DNAH11: variants seen among roughly 807,000 people sequenced by gnomAD.
The protein encoded by DNAH11 is dynein axonemal heavy chain 11, also known as axonemal beta dynein heavy chain 11.
DNAH11 carries 442 observed loss-of-function variants against 526.0 expected under a neutral mutation model. The ratio of observed to expected loss-of-function variants is 0.84; its 90% CI spans 0.78 to 0.91. The LOEUF (loss-of-function observed/expected upper bound fraction) is 0.91. Among genes scored for constraint, DNAH11 ranks in the 40% least tolerant of loss-of-function variants. The pLI is 0.00. For missense variants in DNAH11, 6,989 were observed against 5,448.7 expected (o/e 1.28, Z -8.90); for synonymous variants, 2,461 against 1,935.9 (o/e 1.27, Z -7.12).
intron 56 of DNAH11, among the ~76,000 whole-genome samples, chr7:21,775,628 C>G (rs116341558): frequency 0.017 from 2,315 of 139,796 alleles, 62 homozygotes; most frequent in African/African-American, 0.057. Context: ...AAAAAAAAAA[C>G]AAGTCTGTCT....
intron 30 of DNAH11, among the ~76,000 whole-genome samples, chr7:21,678,871 C>T (rs1277273628): frequency 6.6e-6 from 1 of 152,126 alleles, no homozygotes; most frequent in Admixed American, 6.5e-5. Flanking sequence ...AGCAATCTCA[C>T]TTCTGGGTAT....
intron 14 of DNAH11, among the ~76,000 whole-genome samples, chr7:21,595,518 G>C (rs1008197849): frequency 2.6e-5 from 4 of 152,194 alleles, no homozygotes; most frequent in Non-Finnish European, 4.4e-5. Flanking sequence ...ACGAAAGAAA[G>C]ACACGTTAAA....
chr7:21,642,769 T>G (rs1165952793), intron 28 of DNAH11, among the ~76,000 whole-genome samples: 1 of 152,094 alleles, frequency 6.6e-6, no homozygotes, highest in Non-Finnish European at 1.5e-5. Flanking sequence ...TGCAGTTAAT[T>G]GTGGAATGTG....
intron 58 of DNAH11, among the ~76,000 whole-genome samples, chr7:21,785,600 A>G (rs1788136454): frequency 6.6e-6 from 1 of 152,008 alleles, no homozygotes; most frequent in South Asian, 2.1e-4. Flanking sequence ...TGGAATATTT[A>G]TTTTCTTTAT....
chr7:21,773,415 A>G (rs534980802), intron 55 of DNAH11, among the ~76,000 whole-genome samples: 7 of 151,488 alleles, frequency 4.6e-5, no homozygotes, highest in Non-Finnish European at 8.8e-5. Context: ...AAGCAATGGC[A>G]GAAATATTTC....
At chr7:21,716,708 C>T (rs975071747) in intron 42 of DNAH11, among the ~76,000 whole-genome samples, 4 of 152,092 alleles carry the variant, frequency 2.6e-5, no homozygotes, top group South Asian at 2.1e-4. Context: ...TCCATTGTTC[C>T]GCGGTTCCCA....
chr7:21,882,342 T>C (rs1783953415), intron 75 of DNAH11, among the ~76,000 whole-genome samples: 1 of 152,190 alleles, frequency 6.6e-6, no homozygotes, highest in African/African-American at 2.4e-5. Context: ...CACATTCTCA[T>C]GTTTCTCAGT....
chr7:21,589,450 AT>A, intron 12 of DNAH11, 47 bp downstream of exon 12: 2 of 1,448,318 alleles, frequency 1.4e-6, no homozygotes, highest in Non-Finnish European at 1.9e-6. Context: ...CCTTTTTATT[AT>A]AAGCCTATTT....
chr7:21,812,506 G>GA (rs34549797), intron 63 of DNAH11, among the ~76,000 whole-genome samples: 12 of 58,916 alleles, frequency 2.0e-4, no homozygotes, highest in African/African-American at 1.4e-4. Context: ...CTATCTATAT[G>GA]AAAAAAAAAT....
At chr7:21,777,794 T>TA (rs1668944401) in intron 56 of DNAH11, among the ~76,000 whole-genome samples, 1 of 152,154 alleles carries the variant, frequency 6.6e-6, no homozygotes, top group Non-Finnish European at 1.5e-5. Flanking sequence ...TCTATAATAG[T>TA]ACAAGTAGCA....
chr7:21,625,664 T>G (rs1043851737), intron 25 of DNAH11, among the ~76,000 whole-genome samples: 2 of 152,140 alleles, frequency 1.3e-5, no homozygotes, highest in Non-Finnish European at 2.9e-5. Flanking sequence ...AGAACTGGTT[T>G]TGCTGCATTC....
chr7:21,640,308 C>T (rs1787065619), intron 28 of DNAH11, among the ~76,000 whole-genome samples: 1 of 152,192 alleles, frequency 6.6e-6, no homozygotes, highest in Non-Finnish European at 1.5e-5. Context: ...CACTATGCTT[C>T]AATAAGCCCC....
intron 23 of DNAH11, among the ~76,000 whole-genome samples, chr7:21,618,840 G>A (rs889104497): frequency 3.9e-5 from 6 of 152,104 alleles, no homozygotes; most frequent in Admixed American, 6.5e-5. Context: ...GAAACGTGCC[G>A]ACAAGGGAAA....
intron 44 of DNAH11, among the ~76,000 whole-genome samples, chr7:21,725,126 G>C (rs970890657): frequency 6.6e-5 from 10 of 152,322 alleles, no homozygotes; most frequent in African/African-American, 2.4e-4. Flanking sequence ...AGTAAAGAGA[G>C]CCTGTTCCTT....
chr7:21,741,718 CACCTCTGACAACGAGT>C (rs1204929015), intron 48 of DNAH11, among the ~76,000 whole-genome samples, 193 bp from the exon 49 acceptor site: 1 of 152,160 alleles, frequency 6.6e-6, no homozygotes. Context: ...GAGAAATATA[CACCTCTGACAACGAGT>C]GGCACACTGT....
intron 54 of DNAH11, among the ~76,000 whole-genome samples, chr7:21,759,887 T>C (rs992709099): frequency 8.5e-5 from 13 of 152,166 alleles, no homozygotes; most frequent in Admixed American, 2.6e-4. Context: ...AAAAAAAGAA[T>C]AGAAAATTCT....
chr7:21,772,390 C>G (rs1787479540), intron 55 of DNAH11, among the ~76,000 whole-genome samples: 1 of 145,146 alleles, frequency 6.9e-6, no homozygotes, highest in African/African-American at 2.6e-5. Context: ...GGAGGTTACA[C>G]TTGGCTGAGG....
intron 54 of DNAH11, among the ~76,000 whole-genome samples, chr7:21,750,924 TGGAAGA>T (rs1786386097): frequency 6.6e-6 from 1 of 152,148 alleles, no homozygotes. Context: ...AAAAGTAAAT[TGGAAGA>T]GATAAGAGGT....
At chr7:21,698,247 A>G in intron 36 of DNAH11, 34 bp downstream of exon 36, 21 of 1,609,480 alleles carry the variant, frequency 1.3e-5, no homozygotes, top group Non-Finnish European at 1.8e-5. Flanking sequence ...TCTTGTTTTT[A>G]CATACCATTG....
Sources: gnomAD v4.1 joint callset for allele counts (sites outside exome capture counted in the v4.1 genomes callset) on GRCh38, gnomAD v4.1.1 for gene constraint, MANE v1.5 for transcripts, NCBI Gene and HGNC (gene_info 2026-07-23, HGNC 2026-07-21) for gene names.